The following DLGAP2 variants were observed in gnomAD, a reference collection of about 807,000 sequenced individuals.
DLGAP2 encodes disks large-associated protein 2.
In DLGAP2, 26 loss-of-function variants were observed where a neutral mutation model predicts 100.3. The observed-to-expected ratio is 0.26, with a 90% CI of 0.19 to 0.36. DLGAP2 has a LOEUF of 0.36. Among genes scored for constraint, DLGAP2 ranks in the 10% least tolerant of loss-of-function variants. The pLI, the probability that DLGAP2 is intolerant of heterozygous loss-of-function variation, is 1.00. For missense variants in DLGAP2, 1,858 were observed against 1,453.2 expected (o/e 1.28, Z -4.53); for synonymous variants, 886 against 630.1 (o/e 1.41, Z -6.08).
At chr8:1,594,186 G>T (rs1344167218) in intron 6 of DLGAP2, among the ~76,000 whole-genome samples, 2 of 152,102 alleles carry the variant, frequency 1.3e-5, no homozygotes, top group African/African-American at 4.8e-5. Context: ...ACTGAGAAAG[G>T]CACCAGTGCG....
chr8:772,614 C>T (rs939851087), intron 1 of DLGAP2, among the ~76,000 whole-genome samples: 2 of 152,216 alleles, frequency 1.3e-5, no homozygotes, highest in African/African-American at 2.4e-5. Context: ...TGAGCCACTG[C>T]ACACTGCCTT....
At chr8:1,330,477 G>T (rs116502000) in intron 3 of DLGAP2, among the ~76,000 whole-genome samples, 2 of 108,982 alleles carry the variant, frequency 1.8e-5, no homozygotes, top group Non-Finnish European at 1.9e-5. Context: ...ACCACTTCAC[G>T]AGGACTGAGT....
At chr8:762,859 G>A (rs910596873) in intron 1 of DLGAP2, among the ~76,000 whole-genome samples, 1 of 152,016 alleles carries the variant, frequency 6.6e-6, no homozygotes, top group African/African-American at 2.4e-5. Flanking sequence ...TGAATTTTTT[G>A]TAGATACAGA....
At chr8:854,469 G>A (rs1283207184) in intron 1 of DLGAP2, among the ~76,000 whole-genome samples, 1 of 152,152 alleles carries the variant, frequency 6.6e-6, no homozygotes, top group East Asian at 1.9e-4. Flanking sequence ...TGAGGGCCTT[G>A]CTGTATTGTC....
chr8:843,338 G>A (rs1472978890), intron 1 of DLGAP2, among the ~76,000 whole-genome samples: 1 of 152,226 alleles, frequency 6.6e-6, no homozygotes, highest in Admixed American at 6.5e-5. Flanking sequence ...TATCATCTCA[G>A]GGTGAGAGCC....
intron 3 of DLGAP2, among the ~76,000 whole-genome samples, chr8:1,266,013 GA>G (rs1799443247): frequency 1.3e-5 from 2 of 152,160 alleles, no homozygotes; most frequent in African/African-American, 2.4e-5. Context: ...GATATGCAAA[GA>G]AAAAAATGAT....
intron 6 of DLGAP2, among the ~76,000 whole-genome samples, chr8:1,574,044 A>C (rs1024968594): frequency 2.6e-5 from 4 of 152,168 alleles, no homozygotes; most frequent in African/African-American, 9.7e-5. Context: ...ATTTGCATTG[A>C]GGGGTCCACC....
intron 3 of DLGAP2, among the ~76,000 whole-genome samples, chr8:1,279,624 C>G (rs986096638): frequency 1.3e-5 from 2 of 152,228 alleles, no homozygotes; most frequent in Non-Finnish European, 2.9e-5. Flanking sequence ...AATGGCGTAG[C>G]TGGGTCTTCA....
At chr8:1,287,501 T>TGTGTGTGTG (rs1799959527) in intron 3 of DLGAP2, among the ~76,000 whole-genome samples, 2 of 52,796 alleles carry the variant, frequency 3.8e-5, no homozygotes, top group African/African-American at 6.9e-5. Flanking sequence ...TGTGTGGTTC[T>TGTGTGTGTG]GTTAGGAGGG....
intron 3 of DLGAP2, among the ~76,000 whole-genome samples, chr8:1,273,034 C>G (rs1319500346): frequency 1.3e-5 from 2 of 152,204 alleles, no homozygotes; most frequent in East Asian, 1.9e-4. Context: ...ATATCTCCAA[C>G]AAAGTCCATT....
intron 3 of DLGAP2, among the ~76,000 whole-genome samples, chr8:1,449,110 G>A (rs1043197752): frequency 5.9e-5 from 9 of 152,150 alleles, no homozygotes; most frequent in African/African-American, 2.2e-4. Flanking sequence ...CCGGCCTAAT[G>A]ATTATTAATT....
chr8:1,089,106 C>G (rs572225474), intron 2 of DLGAP2, among the ~76,000 whole-genome samples: 19 of 142,122 alleles, frequency 1.3e-4, no homozygotes, highest in African/African-American at 4.5e-4. Context: ...AATTCTTGCT[C>G]CCCGGCCTCA....
At chr8:1,039,880 G>A (rs573046185) in intron 2 of DLGAP2, among the ~76,000 whole-genome samples, 16 of 148,192 alleles carry the variant, frequency 1.1e-4, no homozygotes, top group Admixed American at 9.4e-4. Flanking sequence ...CATTGTGCAT[G>A]GTCGGCTCGG....
chr8:1,305,408 A>G (rs1490983286), intron 3 of DLGAP2, among the ~76,000 whole-genome samples: 4 of 152,224 alleles, frequency 2.6e-5, no homozygotes, highest in African/African-American at 9.6e-5. Context: ...TTGGCTTAAA[A>G]GAAATTAGTC....
chr8:1,060,279 T>C (rs988772811), intron 2 of DLGAP2, among the ~76,000 whole-genome samples: 1 of 151,798 alleles, frequency 6.6e-6, no homozygotes, highest in African/African-American at 2.4e-5. Flanking sequence ...TGGTGAGTGC[T>C]TGTGGATAGA....
At chr8:1,310,374 A>G (rs1393112491) in intron 3 of DLGAP2, among the ~76,000 whole-genome samples, 2 of 152,234 alleles carry the variant, frequency 1.3e-5, no homozygotes, top group African/African-American at 4.8e-5. Context: ...AAATATGTGA[A>G]GCAACCATTG....
intron 2 of DLGAP2, among the ~76,000 whole-genome samples, chr8:1,207,714 T>C (rs1376062503): frequency 6.6e-6 from 1 of 152,208 alleles, no homozygotes; most frequent in Non-Finnish European, 1.5e-5. Flanking sequence ...GTTTACCACA[T>C]TCATGCCAAC....
At position 1,679,785 on chromosome 8, in the gene DLGAP2, C is replaced by T. The variant is rs528578900; in HGVS notation, c.2704+1156C>T. ...TGGCCTGAGGTCAGGAGTTACAGAT[C>T]AGCCTGGCCAACATGGTAAAGCCCC... On this transcript the variant is annotated intron_variant, in intron 12 of 14. Coordinates refer to ENST00000637795, the MANE Select transcript of DLGAP2 (RefSeq NM_001346810.2). Among the ~76,000 whole-genome samples the T allele has an allele frequency of 3.3e-5, 5 of 152,232 alleles. No homozygotes were observed. In the East Asian group the frequency reaches 9.7e-4, roughly 29 times the overall value.
At chr8:1,391,412 G>A (rs535018785) in intron 3 of DLGAP2, among the ~76,000 whole-genome samples, 2 of 152,296 alleles carry the variant, frequency 1.3e-5, no homozygotes, top group South Asian at 2.1e-4. Context: ...CTTATCCAGG[G>A]ACACCAGGCT....
Sources: allele counts gnomAD v4.1 joint callset (sites outside exome capture counted in the v4.1 genomes callset), GRCh38; gene constraint gnomAD v4.1.1; transcripts MANE v1.5; gene names NCBI Gene and HGNC (gene_info 2026-07-23, HGNC 2026-07-21).